GALNT5: variants seen among roughly 807,000 people sequenced by gnomAD.
GALNT5 encodes the protein UDP-GalNAc:polypeptide N-acetylgalactosaminyltransferase 5.
Under a neutral mutation model 85.4 loss-of-function variants are expected in GALNT5, and 72 were observed. The ratio of observed to expected loss-of-function variants is 0.84; its 90% confidence interval spans 0.70 to 1.03. The LOEUF is 1.03. GALNT5 is among the 50% of genes least tolerant of loss of function. GALNT5 has a pLI of 0.00. For synonymous variants in GALNT5, 404 were observed against 397.0 expected, an observed-to-expected ratio of 1.02 and a Z score of -0.21; for missense variants, 1,137 against 1,135.5, an observed-to-expected ratio of 1.00 and a Z score of -0.02.
intron 6 of GALNT5, 36 bp downstream of exon 6, chr2:157,299,701 A>C: frequency 9.2e-7 from 1 of 1,088,484 alleles, no homozygotes; most frequent in Non-Finnish European, 1.4e-6. Context: ...TCTTTACGAT[A>C]ATGAGTTAAT....
chr2:157,302,615 T>C lies in GALNT5; in HGVS notation c.2439+1616T>C, dbSNP rs530181257. Reference sequence around the variant, plus strand: ...AAAAAGAAAGGAATTTCCACTATTCTAATATTTCCCATTCCAGCAACGCAG... The same window carrying C: ...AAAAAGAAAGGAATTTCCACTATTCCAATATTTCCCATTCCAGCAACGCAG... On this transcript the variant is annotated intron_variant, in intron 7 of 9. Transcript: ENST00000259056. 2.0e-5 allele frequency: 3 copies of C among 151,932 alleles called. No individual in the cohort carries two copies. The East Asian group carries it at 5.8e-4, about 29-fold the overall frequency. 9.4% of individuals were successfully genotyped at this position (151,932 alleles called of 1,614,324 possible).
At position 157,295,647 on chromosome 2, in the gene GALNT5, G is replaced by A. The variant is rs373675408; in HGVS notation, c.1742-16G>A. 2.5e-6 allele frequency: 4 copies of A among 1,606,070 alleles called. No homozygotes were observed. The African/African-American group carries it at 4.0e-5, about 16-fold the overall frequency. On this transcript the variant is annotated splice_polypyrimidine_tract_variant and intron_variant, in intron 3 of 9. Transcript: ENST00000259056. ...ATCGTATTTTCTAAGTTTTTTGTGT[G>A]TGTTTGGCCCTCTAGGTGATGTGTT...
chr2:157,292,241 C>T (rs1458626471), intron 3 of GALNT5, among the ~76,000 whole-genome samples: 4 of 152,118 alleles, frequency 2.6e-5, no homozygotes, highest in African/African-American at 9.7e-5. Flanking sequence ...TGTGCCTCTC[C>T]CCTCTCTGAA....
intron 7 of GALNT5, among the ~76,000 whole-genome samples, 169 bp downstream of exon 7, chr2:157,301,168 C>T (rs1013031337): frequency 6.6e-6 from 1 of 152,138 alleles, no homozygotes; most frequent in Non-Finnish European, 1.5e-5. Flanking sequence ...TTGAGGAAGG[C>T]TACCAAGTGG....
intron 8 of GALNT5, 124 bp downstream of exon 8, chr2:157,305,953 A>G: frequency 1.6e-6 from 1 of 628,860 alleles, no homozygotes; most frequent in South Asian, 2.0e-5. Flanking sequence ...CTTTGTAAAA[A>G]GAGAGTCCAC....
chr2:157,289,349 A>G (rs558701615), intron 3 of GALNT5, among the ~76,000 whole-genome samples: 1 of 152,340 alleles, frequency 6.6e-6, no homozygotes, highest in Non-Finnish European at 1.5e-5. Flanking sequence ...CCTTGAGAAT[A>G]TTAGCTCAGT....
intron 1 of GALNT5, among the ~76,000 whole-genome samples, chr2:157,268,784 AT>A (rs1243875245): frequency 7.1e-6 from 1 of 140,190 alleles, no homozygotes; most frequent in East Asian, 2.0e-4. Flanking sequence ...CTAAGCCTAG[AT>A]TCCCCCCCAA....
chr2:157,283,438 T>C (rs1431753718), intron 1 of GALNT5, among the ~76,000 whole-genome samples: 1 of 152,168 alleles, frequency 6.6e-6, no homozygotes, highest in Admixed American at 6.5e-5. Context: ...CCCAGGCCAG[T>C]TGCAACCCAC....
At chr2:157,280,153 C>A (rs1274973126) in intron 1 of GALNT5, among the ~76,000 whole-genome samples, 4 of 152,108 alleles carry the variant, frequency 2.6e-5, no homozygotes, top group African/African-American at 9.7e-5. Flanking sequence ...CATGGTTCTC[C>A]AAAAATATAT....
chr2:157,282,695 G>C (rs1682881705), intron 1 of GALNT5, among the ~76,000 whole-genome samples: 1 of 151,956 alleles, frequency 6.6e-6, no homozygotes, highest in Non-Finnish European at 1.5e-5. Flanking sequence ...TAGAAAAACT[G>C]ATATTTGAGC....
At position 157,258,513 on chromosome 2, in the gene GALNT5, C is replaced by G; in HGVS notation, c.431C>G (p.Thr144Arg). 1 of 1,611,656 alleles carries G rather than the reference C, an allele frequency of 6.2e-7. No homozygotes were observed. The highest frequency in any genetic ancestry group is 1.3e-5 in the African/African-American group (1 of 74,444). ...TLPVTPNKQK[T>R]DGRGTKPEAS... ...CCTGTGACTCCTAACAAGCAGAAGA[C>G]AGACGGGAGAGGCACCAAACCTGAA... The change falls in exon 1 of 10, where the codon ACA becomes AGA. Residue 144 changes from threonine to arginine, a missense_variant. Physicochemically the swap from Thr to Arg is moderately conservative, Grantham distance 71. Transcript: ENST00000259056.
At chr2:157,270,720 T>G (rs1290748082) in intron 1 of GALNT5, among the ~76,000 whole-genome samples, 1 of 152,240 alleles carries the variant, frequency 6.6e-6, no homozygotes, top group Non-Finnish European at 1.5e-5. Flanking sequence ...AGATTTGTCC[T>G]ACCCTCAGAA....
rs572088930 is a variant in GALNT5, at chr2:157,295,080, C to T, written c.1742-583C>T. 5.9e-5 allele frequency among the ~76,000 whole-genome samples: 9 copies of T among 152,090 alleles called. No individual in the cohort carries two copies. The South Asian group carries it at 6.2e-4, about 11-fold the overall frequency. ...AGGCCCATAGTGTTACATACGTTCA[C>T]ATTGGTGTGCAGTCTCCACGACTCT... On this transcript the variant is annotated intron_variant, in intron 3 of 9. Transcript: ENST00000259056.
At chr2:157,272,366 A>G (rs1364927490) in intron 1 of GALNT5, among the ~76,000 whole-genome samples, 4 of 151,672 alleles carry the variant, frequency 2.6e-5, no homozygotes, top group African/African-American at 7.3e-5. Flanking sequence ...TTTACCTTTT[A>G]CTCCTTTTTT....
intron 1 of GALNT5, among the ~76,000 whole-genome samples, chr2:157,277,623 T>A (rs1287029871): frequency 1.3e-5 from 2 of 152,226 alleles, no homozygotes; most frequent in Admixed American, 1.3e-4. Context: ...GTCTGTTTTA[T>A]CAGAGACTAA....
At chr2:157,270,356 C>T (rs1044881990) in intron 1 of GALNT5, among the ~76,000 whole-genome samples, 3 of 152,184 alleles carry the variant, frequency 2.0e-5, no homozygotes, top group African/African-American at 4.8e-5. Flanking sequence ...CAGGAAAGTG[C>T]TCACTGCCCC....
At chr2:157,295,946 C>T (rs2105156848) in intron 4 of GALNT5, 148 bp downstream of exon 4, 5 of 604,210 alleles carry the variant, frequency 8.3e-6, no homozygotes, top group Admixed American at 3.2e-5. Context: ...AAAACATGGT[C>T]GATATCTTGG....
chr2:157,316,567 T>G lies in GALNT5; in HGVS notation c.*5219T>G, dbSNP rs1680518758. Among the ~76,000 whole-genome samples the G allele has an allele frequency of 6.6e-6, 1 of 152,128 alleles. No individual in the cohort carries two copies. The highest frequency in any genetic ancestry group is 2.1e-4 in the South Asian group (1 of 4,828). On this transcript the variant is annotated 3_prime_UTR_variant, in exon 10 of 10. Transcript: ENST00000259056. ...TCACTACTGTGCTTTTGCAACAACT[T>G]TTGCATGGGTTACTCAATAGTTGCT...
intron 1 of GALNT5, among the ~76,000 whole-genome samples, chr2:157,267,940 C>T (rs1682492652): frequency 6.6e-6 from 1 of 152,102 alleles, no homozygotes; most frequent in Non-Finnish European, 1.5e-5. Context: ...AAAGCAGCCC[C>T]AACAATTCTA....
Sources: gnomAD v4.1 joint callset for allele counts (sites outside exome capture counted in the v4.1 genomes callset) on GRCh38, gnomAD v4.1.1 for gene constraint, MANE v1.5 for transcripts, NCBI Gene and HGNC (gene_info 2026-07-23, HGNC 2026-07-21) for gene names.